The following MICU1 variants were observed in gnomAD, a reference collection of about 807,000 sequenced individuals.
MICU1 encodes the protein mitochondrial calcium uptake 1, also known as calcium uptake protein 1, mitochondrial.
MICU1 carries 45 observed loss-of-function variants against 56.8 expected under a neutral mutation model. The observed-to-expected ratio is 0.79, with a 90% CI of 0.62 to 1.02. The LOEUF (loss-of-function observed/expected upper bound fraction) is 1.02. Ranked by LOEUF, MICU1 falls within the 50% of genes least tolerant of loss-of-function variation. The pLI is 0.00. For missense variants in MICU1, 504 were observed against 587.1 expected (o/e 0.86, Z 1.46); for synonymous variants, 186 against 195.1 (o/e 0.95, Z 0.39).
At chr10:72,489,026 TGC>T in intron 6 of MICU1, among the ~76,000 whole-genome samples, 1 of 152,276 alleles carries the variant, frequency 6.6e-6, no homozygotes, top group South Asian at 2.1e-4. Flanking sequence ...CTGTAGCTCA[TGC>T]CTGTAATCCC....
At chr10:72,511,787 T>C (rs1266116551) in intron 5 of MICU1, among the ~76,000 whole-genome samples, 3 of 152,182 alleles carry the variant, frequency 2.0e-5, no homozygotes, top group African/African-American at 7.2e-5. Context: ...GCTGTGATAA[T>C]ACACTTTTCT....
At chr10:72,444,514 A>C (rs1430874318) in intron 8 of MICU1, among the ~76,000 whole-genome samples, 1 of 144,200 alleles carries the variant, frequency 6.9e-6, no homozygotes, top group African/African-American at 2.6e-5. Flanking sequence ...CAGTGGTGCA[A>C]TCTTGGCTCA....
chr10:72,395,093 G>A (rs866594773), intron 10 of MICU1, among the ~76,000 whole-genome samples: 15 of 152,118 alleles, frequency 9.9e-5, no homozygotes, highest in South Asian at 8.3e-4. Flanking sequence ...GCAGGAGAAC[G>A]GCATGAACCC....
intron 1 of MICU1, among the ~76,000 whole-genome samples, chr10:72,599,355 G>A (rs1237650014): frequency 6.6e-6 from 1 of 152,078 alleles, no homozygotes; most frequent in African/African-American, 2.4e-5. Flanking sequence ...TATTAAATGT[G>A]AATTCCTAGA....
At chr10:72,376,092 A>G (rs1189836194) in intron 10 of MICU1, among the ~76,000 whole-genome samples, 1 of 152,012 alleles carries the variant, frequency 6.6e-6, no homozygotes, top group African/African-American at 2.4e-5. Context: ...GAACTTCAAG[A>G]CCAGCCTGGC....
In MICU1 at chr10:72,367,696, T is replaced by C. The variant is rs560939244; in HGVS notation, c.*499A>G. 1 of 154,704 alleles carries C rather than the reference T, an allele frequency of 6.5e-6. No individual in the cohort carries two copies. The highest frequency in any genetic ancestry group is 1.4e-5 in the Non-Finnish European group (1 of 69,434). The allele number at this position is 154,704 out of a possible 1,614,324, so 9.6% of individuals were successfully genotyped here. On this transcript the variant is annotated 3_prime_UTR_variant, in exon 12 of 12. Coordinates refer to ENST00000361114, the MANE Select transcript of MICU1 (RefSeq NM_001195518.2). ...TTCCTGGGGCGCAGGCTTCTCACAC[T>C]AGCGTAGGGTGCCTAGGTCATCCTC...
At chr10:72,597,771 CA>C (rs1317963012) in intron 1 of MICU1, among the ~76,000 whole-genome samples, 2 of 152,064 alleles carry the variant, frequency 1.3e-5, no homozygotes, top group Non-Finnish European at 2.9e-5. Flanking sequence ...ACATTGTGCA[CA>C]AAAGATATAT....
At chr10:72,405,710 G>A (rs769867320) in intron 10 of MICU1, among the ~76,000 whole-genome samples, 2 of 151,928 alleles carry the variant, frequency 1.3e-5, no homozygotes, top group Non-Finnish European at 2.9e-5. Flanking sequence ...AATAGTCAAT[G>A]TCATCTACCA....
chr10:72,586,770 T>C (rs561538343), intron 1 of MICU1, among the ~76,000 whole-genome samples: 3 of 152,298 alleles, frequency 2.0e-5, no homozygotes, highest in East Asian at 3.9e-4. Context: ...AACCAAAATA[T>C]GAAATCAGTT....
chr10:72,564,025 T>C (rs1185915335), intron 2 of MICU1, among the ~76,000 whole-genome samples: 2 of 152,164 alleles, frequency 1.3e-5, no homozygotes, highest in Non-Finnish European at 2.9e-5. Flanking sequence ...AAAAATAATA[T>C]AAGTATTTCT....
chr10:72,569,224 TATATATATATATA>T (rs1197232221), intron 1 of MICU1, among the ~76,000 whole-genome samples: 1 of 46,384 alleles, frequency 2.2e-5, no homozygotes. Flanking sequence ...TATATATATA[TATATATATATATA>T]TTTTTTTTTT....
At chr10:72,620,893 G>A (rs1842088576) in intron 1 of MICU1, among the ~76,000 whole-genome samples, 1 of 152,042 alleles carries the variant, frequency 6.6e-6, no homozygotes, top group South Asian at 2.1e-4. Flanking sequence ...TTACCCACAG[G>A]TATCTTATCT....
intron 10 of MICU1, among the ~76,000 whole-genome samples, chr10:72,377,535 A>G (rs992890479): frequency 2.0e-5 from 3 of 152,200 alleles, no homozygotes; most frequent in Admixed American, 2.0e-4. Flanking sequence ...TTCACCGTCA[A>G]ACACTAGCAA....
intron 6 of MICU1, among the ~76,000 whole-genome samples, chr10:72,495,843 T>C (rs983041808): frequency 6.6e-6 from 1 of 152,122 alleles, no homozygotes; most frequent in African/African-American, 2.4e-5. Flanking sequence ...GCTTTTATCA[T>C]GTATACATAC....
intron 8 of MICU1, among the ~76,000 whole-genome samples, chr10:72,444,733 G>C (rs1865055261): frequency 6.6e-6 from 1 of 152,206 alleles, no homozygotes; most frequent in African/African-American, 2.4e-5. Flanking sequence ...ACAGGCGTGA[G>C]CCACCATGCC....
At chr10:72,434,915 T>C (rs567433630) in intron 8 of MICU1, among the ~76,000 whole-genome samples, 1 of 152,286 alleles carries the variant, frequency 6.6e-6, no homozygotes, top group South Asian at 2.1e-4. Context: ...AAGACCCCTA[T>C]ACCAGGCTTG....
Position 72,475,342 on chromosome 10 carries a change from A to G in MICU1, c.736-45T>C, listed in dbSNP as rs1289102149. 3 of 1,473,656 alleles carry G rather than the reference A, an allele frequency of 2.0e-6. No individual in the cohort carries two copies. The South Asian group carries it at 3.8e-5, about 19-fold the overall frequency. 91.3% of individuals were successfully genotyped at this position (1,473,656 alleles called of 1,614,324 possible). A position where few individuals can be genotyped will look rare whatever the true frequency, so the allele number is the denominator to read the frequency against. ...ACATCCAGAAAAATATTAGGAAGTG[A>G]GAAAACATAAACATAGAAAAGCAAG... is the stretch of plus-strand genomic sequence containing the variant. On this transcript the variant is annotated intron_variant, in intron 7 of 11. Transcript: ENST00000361114.
At chr10:72,586,012 T>C (rs1421000169) in intron 1 of MICU1, among the ~76,000 whole-genome samples, 2 of 126,620 alleles carry the variant, frequency 1.6e-5, no homozygotes, top group Non-Finnish European at 1.7e-5. Context: ...TTTTTTTTTT[T>C]CTTTTTTTTT....
chr10:72,527,605 T>C (rs1288549547), intron 5 of MICU1, among the ~76,000 whole-genome samples: 1 of 152,022 alleles, frequency 6.6e-6, no homozygotes, highest in Non-Finnish European at 1.5e-5. Context: ...TCAAGTAGCC[T>C]CCTAAAGCAC....
Sources: gnomAD v4.1 joint callset for allele counts (sites outside exome capture counted in the v4.1 genomes callset) on GRCh38, gnomAD v4.1.1 for gene constraint, MANE v1.5 for transcripts, NCBI Gene and HGNC (gene_info 2026-07-23, HGNC 2026-07-21) for gene names.